CALN1: variants seen among roughly 807,000 people sequenced by gnomAD.
CALN1 encodes calneuron 1.
A neutral mutation model predicts 30.6 loss-of-function variants in CALN1; 17 were observed. The ratio of observed to expected loss-of-function variants is 0.56; its 90% CI spans 0.38 to 0.83. The LOEUF (loss-of-function observed/expected upper bound fraction) is 0.83, where lower values mean the gene tolerates loss of function less well. CALN1 is among the 40% of genes least tolerant of loss of function. The pLI, the probability that CALN1 is intolerant of heterozygous loss-of-function variation, is 0.00. For synonymous variants in CALN1, 156 were observed against 131.4 expected (o/e 1.19, Z -1.28); for missense variants, 291 against 354.9 (o/e 0.82, Z 1.45).
At chr7:72,202,260 A>C (rs958769666) in intron 3 of CALN1, among the ~76,000 whole-genome samples, 5 of 152,236 alleles carry the variant, frequency 3.3e-5, no homozygotes, top group African/African-American at 1.2e-4. Context: ...GAAGTTCTCC[A>C]AGAATGTAGA....
At chr7:71,888,837 G>A (rs959046572) in intron 5 of CALN1, among the ~76,000 whole-genome samples, 4 of 152,154 alleles carry the variant, frequency 2.6e-5, no homozygotes, top group African/African-American at 9.7e-5. Context: ...GCTTGGGGTG[G>A]GGTGCTTTGG....
At chr7:71,809,350 C>A (rs1031542297) in intron 6 of CALN1, among the ~76,000 whole-genome samples, 1 of 150,926 alleles carries the variant, frequency 6.6e-6, no homozygotes, top group Admixed American at 6.7e-5. Context: ...TAGCCTCCCC[C>A]CATAGCACTC....
At chr7:72,211,629 C>T (rs996292694) in intron 3 of CALN1, among the ~76,000 whole-genome samples, 29 of 152,176 alleles carry the variant, frequency 1.9e-4, no homozygotes, top group Admixed American at 1.3e-4. Context: ...AGGCCTGGTA[C>T]ATCACGAATG....
intron 5 of CALN1, among the ~76,000 whole-genome samples, chr7:71,990,801 G>C (rs978733591): frequency 3.3e-5 from 5 of 152,038 alleles, no homozygotes; most frequent in Admixed American, 2.0e-4. Context: ...TAATAAACTT[G>C]CTCTTACTTT....
chr7:71,875,408 A>T (rs1388821815), intron 5 of CALN1, among the ~76,000 whole-genome samples: 2 of 152,184 alleles, frequency 1.3e-5, no homozygotes, highest in Non-Finnish European at 1.5e-5. Flanking sequence ...CCGTGGGGTG[A>T]AGAGCAGTAA....
intron 5 of CALN1, among the ~76,000 whole-genome samples, chr7:71,964,794 T>C (rs904493135): frequency 6.6e-6 from 1 of 152,192 alleles, no homozygotes. Flanking sequence ...ATGATAAGTC[T>C]GGGCTTTGCA....
At chr7:72,495,870 G>A in the CALN1 span, among the ~76,000 whole-genome samples, 1 of 152,110 alleles carries the variant, frequency 6.6e-6, no homozygotes, top group African/African-American at 2.4e-5. Flanking sequence ...TTTCAGATTT[G>A]TATATCATGG....
intron 4 of CALN1, among the ~76,000 whole-genome samples, chr7:72,083,267 T>C (rs1458081036): frequency 6.6e-6 from 1 of 152,172 alleles, no homozygotes; most frequent in African/African-American, 2.4e-5. Context: ...ACTTAAAAGA[T>C]GGTCCAGATG....
At chr7:72,303,422 T>G (rs1017209512) in intron 2 of CALN1, among the ~76,000 whole-genome samples, 1 of 152,018 alleles carries the variant, frequency 6.6e-6, no homozygotes, top group Non-Finnish European at 1.5e-5. Flanking sequence ...CCAGGCGTGG[T>G]GGGGCATGCC....
At chr7:72,063,956 C>T (rs1803841425) in intron 4 of CALN1, among the ~76,000 whole-genome samples, 1 of 152,108 alleles carries the variant, frequency 6.6e-6, no homozygotes, top group Non-Finnish European at 1.5e-5. Context: ...GGACATATGC[C>T]TTCTTGTAAT....
At chr7:71,997,628 T>C (rs982942768) in intron 5 of CALN1, among the ~76,000 whole-genome samples, 4 of 152,116 alleles carry the variant, frequency 2.6e-5, no homozygotes, top group South Asian at 2.1e-4. Context: ...CATGTTACAA[T>C]TGAACTTCTG....
At chr7:71,939,740 T>C (rs1301013904) in intron 5 of CALN1, among the ~76,000 whole-genome samples, 2 of 152,120 alleles carry the variant, frequency 1.3e-5, no homozygotes, top group Non-Finnish European at 2.9e-5. Context: ...CACCTCTTTA[T>C]ATCAACTAAG....
At chr7:72,004,685 GAACAAAACAAAACAA>G (rs200604932) in intron 5 of CALN1, among the ~76,000 whole-genome samples, 6 of 150,870 alleles carry the variant, frequency 4.0e-5, no homozygotes, top group Non-Finnish European at 7.4e-5. Flanking sequence ...CAAAACTCAA[GAACAAAACAAAACAA>G]AACAAAACAA....
chr7:72,065,491 C>T (rs10245697), intron 4 of CALN1, among the ~76,000 whole-genome samples: 12,380 of 151,962 alleles, frequency 0.081, 1,660 homozygotes, highest in African/African-American at 0.28. Context: ...ACCTAAACTG[C>T]TTAAAGACAA....
chr7:72,336,993 GTCC>G, intron 2 of CALN1: 2 of 985,514 alleles, frequency 2.0e-6, no homozygotes, highest in Non-Finnish European at 2.4e-6. Flanking sequence ...CCCTGTCCTT[GTCC>G]TCTGCTCTCG....
intron 4 of CALN1, among the ~76,000 whole-genome samples, chr7:72,026,725 T>C (rs1350568519): frequency 6.6e-6 from 1 of 152,072 alleles, no homozygotes; most frequent in Non-Finnish European, 1.5e-5. Context: ...CTTAATAACT[T>C]CATTTTTAGA....
chr7:72,063,804 G>A (rs567877627), intron 4 of CALN1, among the ~76,000 whole-genome samples: 1 of 152,196 alleles, frequency 6.6e-6, no homozygotes, highest in East Asian at 1.9e-4. Context: ...TTGGGATTGT[G>A]GATGCCCAAT....
intron 3 of CALN1, among the ~76,000 whole-genome samples, chr7:72,208,987 TC>T (rs1477113182): frequency 1.1e-5 from 1 of 87,756 alleles, no homozygotes; most frequent in East Asian, 1.8e-3. Context: ...TTTTCCTACT[TC>T]CTTCCTTCCT....
At chr7:72,276,599 G>C (rs1797346891) in intron 3 of CALN1, among the ~76,000 whole-genome samples, 1 of 151,952 alleles carries the variant, frequency 6.6e-6, no homozygotes, top group African/African-American at 2.4e-5. Context: ...TGAAAGATCT[G>C]CCCTCATGAA....
Sources: allele counts gnomAD v4.1 joint callset (sites outside exome capture counted in the v4.1 genomes callset), GRCh38; gene constraint gnomAD v4.1.1; transcripts MANE v1.5; gene names NCBI Gene and HGNC (gene_info 2026-07-23, HGNC 2026-07-21).